Variants in CAMK2D observed in about 807,000 individuals in gnomAD.
CAMK2D encodes calcium/calmodulin dependent protein kinase II delta.
A neutral mutation model predicts 84.0 loss-of-function variants in CAMK2D; 37 were observed. That is an observed-to-expected ratio of 0.44 (90% CI 0.34 to 0.58). The LOEUF (loss-of-function observed/expected upper bound fraction) is 0.58, where lower values mean the gene tolerates loss of function less well. Among genes scored for constraint, CAMK2D ranks in the 20% least tolerant of loss-of-function variants. The pLI is 0.02. For missense variants in CAMK2D, 448 were observed against 652.5 expected (o/e 0.69, Z 3.41); for synonymous variants, 202 against 212.5 (o/e 0.95, Z 0.43).
chr4:113,645,538 C>T (rs1293268285), intron 3 of CAMK2D, among the ~76,000 whole-genome samples: 2 of 152,122 alleles, frequency 1.3e-5, no homozygotes, highest in African/African-American at 2.4e-5. Context: ...GACAGAGCTC[C>T]CAAGTGACAG....
chr4:113,472,152 T>A (rs968626865), intron 16 of CAMK2D, among the ~76,000 whole-genome samples: 1 of 152,226 alleles, frequency 6.6e-6, no homozygotes, highest in Non-Finnish European at 1.5e-5. Flanking sequence ...CACGGGATGT[T>A]CATATATCTA....
intron 2 of CAMK2D, among the ~76,000 whole-genome samples, chr4:113,723,299 A>T (rs2099536663): frequency 6.7e-6 from 1 of 150,086 alleles, no homozygotes; most frequent in South Asian, 2.1e-4. Flanking sequence ...ATCTCGGCTC[A>T]CTACAACCTC....
chr4:113,452,876 C>T lies in CAMK2D; in HGVS notation c.*1669G>A, dbSNP rs900133447. The T allele has an allele frequency of 2.6e-4, 39 of 152,264 alleles. No individual in the cohort carries two copies. The highest frequency in any genetic ancestry group is 9.2e-4 in the African/African-American group (38 of 41,336). The allele number at this position is 152,264 out of a possible 1,614,324, so 9.4% of individuals were successfully genotyped here. On this transcript the variant is annotated 3_prime_UTR_variant, in exon 21 of 21. Coordinates refer to ENST00000511664, the MANE Select transcript of CAMK2D (RefSeq NM_001321571.2). ...TAATAATTATCAGAAAAGCTTCAAC[C>T]CATCTACCATACATCCACTAGCAAT...
intron 16 of CAMK2D, among the ~76,000 whole-genome samples, chr4:113,486,379 C>A (rs1439275489): frequency 1.3e-5 from 2 of 152,132 alleles, no homozygotes; most frequent in Non-Finnish European, 2.9e-5. Context: ...CTGGCCTCAG[C>A]ATCCCAAAAT....
intron 13 of CAMK2D, among the ~76,000 whole-genome samples, chr4:113,506,878 C>T (rs1172319662): frequency 6.6e-6 from 1 of 151,154 alleles, no homozygotes; most frequent in East Asian, 1.9e-4. Flanking sequence ...CTTATCTGTA[C>T]AAGTGCACAT....
At chr4:113,650,836 T>C (rs1367065601) in intron 3 of CAMK2D, among the ~76,000 whole-genome samples, 1 of 152,206 alleles carries the variant, frequency 6.6e-6, no homozygotes, top group East Asian at 1.9e-4. Flanking sequence ...ATTCTGCACA[T>C]GTATTAGTAA....
chr4:113,676,459 T>C (rs926812857), intron 2 of CAMK2D, among the ~76,000 whole-genome samples: 3 of 149,868 alleles, frequency 2.0e-5, no homozygotes, highest in South Asian at 2.3e-4. Context: ...ACTCCTCCAC[T>C]GTTCCCAATC....
intron 6 of CAMK2D, 65 bp from the exon 7 acceptor site, chr4:113,537,508 TAAC>T (rs1293933185): frequency 3.2e-6 from 3 of 949,982 alleles, no homozygotes; most frequent in Non-Finnish European, 5.0e-6. Context: ...TATTCAAAAC[TAAC>T]AACATTTTAC....
intron 3 of CAMK2D, among the ~76,000 whole-genome samples, chr4:113,651,020 GA>G (rs1320877558): frequency 3.3e-5 from 5 of 152,122 alleles, no homozygotes; most frequent in Non-Finnish European, 7.4e-5. Context: ...ACTAAAAACT[GA>G]AAGTAATCTT....
intron 2 of CAMK2D, among the ~76,000 whole-genome samples, chr4:113,721,541 A>C (rs568428233): frequency 6.6e-6 from 1 of 152,278 alleles, no homozygotes; most frequent in Admixed American, 6.5e-5. Context: ...GGAAAATGAG[A>C]GTGTTGCAGT....
chr4:113,661,002 A>G (rs2099228757), intron 3 of CAMK2D, among the ~76,000 whole-genome samples: 1 of 151,304 alleles, frequency 6.6e-6, no homozygotes, highest in East Asian at 2.0e-4. Context: ...TTCATGTGTT[A>G]GCCAGGATGG....
At chr4:113,533,913 AC>A (rs1489770394) in intron 7 of CAMK2D, among the ~76,000 whole-genome samples, 2 of 151,896 alleles carry the variant, frequency 1.3e-5, no homozygotes, top group East Asian at 1.9e-4. Flanking sequence ...TAAAAAAAAA[AC>A]AATAAACAGC....
chr4:113,610,341 A>G lies in CAMK2D; in HGVS notation c.221-1135T>C, dbSNP rs9884475. Reference sequence around the variant, plus strand: ...GTTTTAGGACACAACTGCTTTTACAAAAGTCACCACAAAATAATAATGATT... The same window carrying G: ...GTTTTAGGACACAACTGCTTTTACAGAAGTCACCACAAAATAATAATGATT... On this transcript the variant is annotated intron_variant, in intron 3 of 20. Transcript: ENST00000511664. Among the ~76,000 whole-genome samples the G allele has an allele frequency of 2.8e-3, 424 of 152,330 alleles. 1 individual carries two copies. Among genetic ancestry groups the G allele is most frequent in the African/African-American group, 9.8e-3 (406 of 41,572 alleles).
rs2099491470 is a variant in CAMK2D, at chr4:113,711,227, C to T, written c.160+48093G>A. ...TCATTATATTATCTATCTTATCATACATACTTAAAGTTGAAAATATATTAG... is the reference window on the plus strand; with the variant it reads ...TCATTATATTATCTATCTTATCATATATACTTAAAGTTGAAAATATATTAG... On this transcript the variant is annotated intron_variant, in intron 2 of 20. Coordinates refer to ENST00000511664, the MANE Select transcript of CAMK2D (RefSeq NM_001321571.2). 2.0e-5 allele frequency among the ~76,000 whole-genome samples: 3 copies of T among 150,870 alleles called. No individual in the cohort carries two copies. In the South Asian group the frequency reaches 6.3e-4, roughly 31 times the overall value.
intron 2 of CAMK2D, among the ~76,000 whole-genome samples, chr4:113,673,265 C>A (rs1248337539): frequency 6.6e-6 from 1 of 152,200 alleles, no homozygotes; most frequent in Non-Finnish European, 1.5e-5. Flanking sequence ...TATTTTAAAT[C>A]TGACTTTAAA....
At chr4:113,463,933 T>C (rs2097424508) in intron 17 of CAMK2D, among the ~76,000 whole-genome samples, 1 of 152,254 alleles carries the variant, frequency 6.6e-6, no homozygotes, top group Non-Finnish European at 1.5e-5. Flanking sequence ...AAAAAATTTA[T>C]ACTTGTTAAA....
chr4:113,719,727 A>T (rs1258367390), intron 2 of CAMK2D, among the ~76,000 whole-genome samples: 1 of 152,162 alleles, frequency 6.6e-6, no homozygotes, highest in South Asian at 2.1e-4. Context: ...CACTTTTAAC[A>T]TCTAGTTCAA....
chr4:113,649,323 A>G (rs886707555), intron 3 of CAMK2D, among the ~76,000 whole-genome samples: 2 of 152,162 alleles, frequency 1.3e-5, no homozygotes, highest in Non-Finnish European at 2.9e-5. Flanking sequence ...TTAATTCTTT[A>G]TTTTCTCCAG....
At chr4:113,456,322 C>T (rs1456468571) in intron 19 of CAMK2D, among the ~76,000 whole-genome samples, 3 of 152,100 alleles carry the variant, frequency 2.0e-5, no homozygotes, top group Admixed American at 6.6e-5. Flanking sequence ...GGAAAGAGAT[C>T]AACAGTGGAC....
Sources: gnomAD v4.1 joint callset for allele counts (sites outside exome capture counted in the v4.1 genomes callset) on GRCh38, gnomAD v4.1.1 for gene constraint, MANE v1.5 for transcripts, NCBI Gene and HGNC (gene_info 2026-07-23, HGNC 2026-07-21) for gene names.